The following USP16 variants were observed in gnomAD, a reference collection of about 807,000 sequenced individuals.
The protein encoded by USP16 is ubiquitin carboxyl-terminal hydrolase 16.
Under a neutral mutation model 95.9 loss-of-function variants are expected in USP16, and 77 were observed. That is an observed-to-expected ratio of 0.80 (90% CI 0.67 to 0.97). The LOEUF is 0.97. Ranked by LOEUF, USP16 falls within the 50% of genes least tolerant of loss-of-function variation. The pLI, the probability that USP16 is intolerant of heterozygous loss-of-function variation, is 0.00. For missense variants in USP16, 943 were observed against 959.9 expected (o/e 0.98, Z 0.23); for synonymous variants, 303 against 318.2 (o/e 0.95, Z 0.51).
Position 29,043,559 on chromosome 21 carries a change from T to C in USP16, c.1316T>C (p.Leu439Ser), listed in dbSNP as rs761303051. 4 of 1,570,408 alleles carry C rather than the reference T, an allele frequency of 2.5e-6. No individual in the cohort carries two copies. The highest frequency in any genetic ancestry group is 2.6e-6 in the Non-Finnish European group (3 of 1,164,712). The change falls in exon 13 of 18, where the codon TTA (leucine) becomes TCA (serine). Residue 439 changes from leucine to serine, a missense_variant. Leu to Ser is a moderately radical substitution (Grantham distance 145, BLOSUM62 -2). Coordinates refer to ENST00000399976, the MANE Select transcript of USP16 (RefSeq NM_006447.3). ...SDIPSGTSKH[L>S]QKKAKKQAKK... ...ATTCCTTCTGGAACAAGTAAGCACT[T>C]ACAGAAAAAAGCAAAGAAACAAGCC...
chr21:29,031,591 C>T (rs1212128970), intron 3 of USP16, among the ~76,000 whole-genome samples: 1 of 152,156 alleles, frequency 6.6e-6, no homozygotes, highest in Non-Finnish European at 1.5e-5. Flanking sequence ...GTGTGTGCCA[C>T]CACGCCTGGC....
rs375076156 is a variant in USP16 at position 29,041,998 on chromosome 21, T to C, written c.1031-15T>C. 93 of 1,609,084 alleles carry C rather than the reference T, an allele frequency of 5.8e-5. No homozygotes were observed. Among genetic ancestry groups the C allele is most frequent in the Non-Finnish European group, 7.6e-5 (89 of 1,177,120 alleles). On this transcript the variant is annotated splice_polypyrimidine_tract_variant and intron_variant, in intron 10 of 17. Coordinates refer to ENST00000399976, the MANE Select transcript of USP16 (RefSeq NM_006447.3). ...AACGGTAATTGGTAATTGATAGACTTTTTTTTCTCCATAGATTATGAGAAG... is the reference window on the plus strand; with the variant it reads ...AACGGTAATTGGTAATTGATAGACTCTTTTTTCTCCATAGATTATGAGAAG...
At chr21:29,030,923 G>A in intron 3 of USP16, 150 bp downstream of exon 3, 1 of 827,400 alleles carries the variant, frequency 1.2e-6, no homozygotes. Flanking sequence ...TGTGTGTATA[G>A]GTGGTGGAGT....
chr21:29,033,453 C>G (rs1191470696), intron 3 of USP16, among the ~76,000 whole-genome samples: 2 of 152,184 alleles, frequency 1.3e-5, no homozygotes, highest in Non-Finnish European at 2.9e-5. Flanking sequence ...GCAATGGAAA[C>G]ACGACCGGTT....
chr21:29,031,599 G>C (rs1285108525), intron 3 of USP16, among the ~76,000 whole-genome samples: 1 of 152,130 alleles, frequency 6.6e-6, no homozygotes, highest in Non-Finnish European at 1.5e-5. Flanking sequence ...CACCACGCCT[G>C]GCTGAGTTTT....
At chr21:29,035,548 A>G (rs973607578) in intron 4 of USP16, among the ~76,000 whole-genome samples, 3 of 151,312 alleles carry the variant, frequency 2.0e-5, no homozygotes, top group Admixed American at 1.3e-4. Context: ...TAATTTTTGT[A>G]TTTTTAGTAG....
rs1269824155 is a variant in USP16 at position 29,054,218 on chromosome 21, A to G, written c.*31A>G. On this transcript the variant is annotated 3_prime_UTR_variant, in exon 18 of 18. Transcript: ENST00000399976. ...TCAAAAGCACTTTTTCTGGAAACAC[A>G]TTTATGGCTTTTATAATGGCTGAAA... 1 of 1,593,322 alleles carries G rather than the reference A, an allele frequency of 6.3e-7. No homozygotes were observed. The highest frequency in any genetic ancestry group is 2.2e-5 in the East Asian group (1 of 44,498).
In USP16 at chr21:29,038,444, A is replaced by C; in HGVS notation, c.732+14A>C. ...TTGGCATTAACAGTATGTTCTTTAAACTTTTCTAGTCTGTAACTTTCCTCT... is the reference window on the plus strand; with the variant it reads ...TTGGCATTAACAGTATGTTCTTTAACCTTTTCTAGTCTGTAACTTTCCTCT... On this transcript the variant is annotated intron_variant, in intron 7 of 17. Transcript: ENST00000399976. The C allele has an allele frequency of 6.4e-7, 1 of 1,565,028 alleles. No homozygotes were observed.
Position 29,046,672 on chromosome 21 carries a change from A to G in USP16, c.1362A>G (p.Gln454=). The part of the protein sequence containing the change: ...KKQAKKQAKN[Q]RRQQKIQGKV... ...GCCGTATACTTTTTACCCAGAACCAACGAAGACAACAAAAAATTCAAGGAA... is the reference window on the plus strand; with the variant it reads ...GCCGTATACTTTTTACCCAGAACCAGCGAAGACAACAAAAAATTCAAGGAA... Residue 454 remains glutamine, a synonymous_variant, in exon 14 of 18, where the codon CAA becomes CAG. Coordinates refer to ENST00000399976, the MANE Select transcript of USP16 (RefSeq NM_006447.3). 3 of 1,602,852 alleles carry G rather than the reference A, an allele frequency of 1.9e-6. No individual in the cohort carries two copies. The highest frequency in any genetic ancestry group is 1.1e-5 in the South Asian group (1 of 88,750).
chr21:29,037,780 T>G (rs1464225878), intron 6 of USP16, among the ~76,000 whole-genome samples: 2 of 152,076 alleles, frequency 1.3e-5, no homozygotes, highest in African/African-American at 4.8e-5. Flanking sequence ...GAGACAGGGT[T>G]TCGCCATGTT....
At position 29,039,239 on chromosome 21, in the gene USP16, A is replaced by T. The variant is rs1165431828; in HGVS notation, c.863+83A>T. On this transcript the variant is annotated intron_variant, in intron 8 of 17. Coordinates refer to ENST00000399976, the MANE Select transcript of USP16 (RefSeq NM_006447.3). Reference sequence around the variant, plus strand: ...TTAATATTAAATAGTAAAATATAAAAATATTAATAGCATTACATTTAGTCA... The same window carrying T: ...TTAATATTAAATAGTAAAATATAAATATATTAATAGCATTACATTTAGTCA... 4 of 1,222,290 alleles carry T rather than the reference A, an allele frequency of 3.3e-6. No homozygotes were observed. In the Admixed American group the frequency reaches 1.6e-4, roughly 49 times the overall value. 75.7% of individuals were successfully genotyped at this position (1,222,290 alleles called of 1,614,324 possible). A position where few individuals can be genotyped will look rare whatever the true frequency, so the allele number is the denominator to read the frequency against.
At chr21:29,034,368 C>G (rs917942725) in intron 3 of USP16, among the ~76,000 whole-genome samples, 1 of 150,882 alleles carries the variant, frequency 6.6e-6, no homozygotes, top group Non-Finnish European at 1.5e-5. Context: ...GAGTGCAGGC[C>G]CAGACGTGAT....
Position 29,054,205 on chromosome 21 carries a change from T to A in USP16, c.*18T>A. 1 of 1,604,078 alleles carries A rather than the reference T, an allele frequency of 6.2e-7. No individual in the cohort carries two copies. Reference sequence around the variant, plus strand: ...TACTGTAATAATATCAAAAGCACTTTTTCTGGAAACACATTTATGGCTTTT... The same window carrying A: ...TACTGTAATAATATCAAAAGCACTTATTCTGGAAACACATTTATGGCTTTT... On this transcript the variant is annotated 3_prime_UTR_variant, in exon 18 of 18. Transcript: ENST00000399976.
intron 15 of USP16, 76 bp downstream of exon 15, chr21:29,048,931 A>C: frequency 6.5e-6 from 7 of 1,082,678 alleles, no homozygotes; most frequent in Non-Finnish European, 6.8e-6. Flanking sequence ...TTACTGTCTC[A>C]ACATACTACT....
At chr21:29,036,093 A>G (rs2085152222) in intron 4 of USP16, among the ~76,000 whole-genome samples, 178 bp from the exon 5 acceptor site, 1 of 152,244 alleles carries the variant, frequency 6.6e-6, no homozygotes, top group Non-Finnish European at 1.5e-5. Flanking sequence ...GGCTAATTTT[A>G]TTAATAATAA....
At chr21:29,029,400 A>G (rs190391275) in intron 2 of USP16, among the ~76,000 whole-genome samples, 2 of 152,264 alleles carry the variant, frequency 1.3e-5, no homozygotes, top group Admixed American at 6.5e-5. Context: ...GCAACAGAGC[A>G]AGACTCCGTC....
At chr21:29,041,971 A>G (rs1173355618) in intron 10 of USP16, 42 bp from the exon 11 acceptor site, 5 of 1,516,560 alleles carry the variant, frequency 3.3e-6, no homozygotes, top group African/African-American at 2.8e-5. Context: ...AATTAATTAT[A>G]TAACGGTAAT....
At chr21:29,025,808 T>G (rs2084978148) in intron 1 of USP16, 1 of 833,236 alleles carries the variant, frequency 1.2e-6, no homozygotes, top group Non-Finnish European at 1.4e-6. Context: ...GCAAGAAGTA[T>G]TTCTTCAGGA....
Position 29,039,501 on chromosome 21 carries a change from A to G in USP16, c.884A>G (p.Tyr295Cys), listed in dbSNP as rs141312121. 11 of 1,613,168 alleles carry G rather than the reference A, an allele frequency of 6.8e-6. No individual in the cohort carries two copies. The African/African-American group carries it at 1.1e-4, about 16-fold the overall frequency. ...VCKKAVRFKG[Y>C]QQQDSQELLR... is the part of the protein sequence containing the mutation. ...TCTAGAGCAGTGCGGTTTAAAGGCT[A>G]TCAGCAGCAAGACAGCCAGGAGCTG... The change falls in exon 9 of 18, where the codon TAT (tyrosine) becomes TGT (cysteine). Residue 295 changes from tyrosine to cysteine, a missense_variant. By Grantham distance (194) the Tyr-to-Cys change is radical. Coordinates refer to ENST00000399976, the MANE Select transcript of USP16 (RefSeq NM_006447.3).
Sources: allele counts gnomAD v4.1 joint callset (sites outside exome capture counted in the v4.1 genomes callset), GRCh38; gene constraint gnomAD v4.1.1; transcripts MANE v1.5; gene names NCBI Gene and HGNC (gene_info 2026-07-23, HGNC 2026-07-21).